The following KCTD6 variants were observed in gnomAD, a reference collection of about 807,000 sequenced individuals.
The protein encoded by KCTD6 is BTB/POZ domain-containing protein KCTD6.
In KCTD6, 6 loss-of-function variants were observed where a neutral mutation model predicts 18.7. The ratio of observed to expected loss-of-function variants is 0.32; its 90% confidence interval spans 0.18 to 0.63. The LOEUF (loss-of-function observed/expected upper bound fraction) is 0.63. KCTD6 is among the 30% of genes least tolerant of loss of function. The pLI is 0.79. For synonymous variants in KCTD6, 86 were observed against 108.5 expected, an observed-to-expected ratio of 0.79 and a Z score of 1.29; for missense variants, 165 against 300.2, an observed-to-expected ratio of 0.55 and a Z score of 3.33.
rs769638748 is a variant in KCTD6, at chr3:58,501,622, C to G, written c.704C>G (p.Thr235Arg). 7.5e-7 allele frequency: 1 copy of G among 1,334,898 alleles called. No homozygotes were observed. The allele number at this position is 1,334,898 out of a possible 1,614,324, so 82.7% of individuals were successfully genotyped here. A position where few individuals can be genotyped will look rare whatever the true frequency, so the allele number is the denominator to read the frequency against. ...ACTTTCTGTAGGCTAGCCCGGAAGA[C>G]AGACGACTGATCTCCGACCCTGCCA... ...NWTFCRLARK[T>R]DD The change falls in exon 3 of 3, where the codon ACA becomes AGA. Residue 235 changes from threonine to arginine, a missense_variant. Physicochemically the swap from Thr to Arg is moderately conservative, Grantham distance 71. Transcript: ENST00000404589. This position sits in a 1 kb window ranked among gnomAD's most constrained non-coding sequence, Gnocchi z 9.7.
chr3:58,492,418 C>A lies in KCTD6; in HGVS notation c.-44+249C>A, dbSNP rs573255861. On this transcript the variant is annotated intron_variant, in intron 1 of 2. Coordinates refer to ENST00000404589, the MANE Select transcript of KCTD6 (RefSeq NM_001128214.2). The surrounding 1 kb of genome is among the most constrained non-coding windows in gnomAD (Gnocchi z 6.1). Reference sequence around the variant, plus strand: ...CCCGCCCGGCGGGGATGCGCGGTTTCTGCGGGCCCGGGTTCGGAGCCCCGC... The same window carrying A: ...CCCGCCCGGCGGGGATGCGCGGTTTATGCGGGCCCGGGTTCGGAGCCCCGC... Among the ~76,000 whole-genome samples, 6 of 151,314 alleles carry A rather than the reference C, an allele frequency of 4.0e-5. No homozygotes were observed. In the East Asian group the frequency reaches 1.2e-3, roughly 30 times the overall value.
Position 58,501,052 on chromosome 3 carries a change from A to T in KCTD6, c.134A>T (p.Asp45Val). 6.2e-7 allele frequency: 1 copy of T among 1,613,434 alleles called. No homozygotes were observed. The highest frequency in any genetic ancestry group is 8.5e-7 in the Non-Finnish European group (1 of 1,179,754). Residue 45 changes from aspartate to valine, a missense_variant, in exon 3 of 3, where the codon GAC becomes GTC. By Grantham distance (152) the Asp-to-Val change is radical (BLOSUM62 -3). Transcript: ENST00000404589. The surrounding 1 kb of genome is among the most constrained non-coding windows in gnomAD (Gnocchi z 9.7). ...ATGCTTGGAGCTATGTTTGGGGGGG[A>T]CTTCCCCACAGCTCGAGACCCTCAA... The part of the protein sequence containing the change: ...DSMLGAMFGG[D>V]FPTARDPQGN...
intron 2 of KCTD6, among the ~76,000 whole-genome samples, chr3:58,500,001 G>A (rs2063197697): frequency 6.6e-6 from 1 of 152,156 alleles, no homozygotes. Context: ...GGTATGTGAT[G>A]CTTTTCTGGC....
rs1463903773 is a variant in KCTD6, at chr3:58,501,150, A to C, written c.232A>C (p.Thr78Pro). The C allele has an allele frequency of 6.2e-7, 1 of 1,613,920 alleles. No homozygotes were observed. Among genetic ancestry groups the C allele is most frequent in the Non-Finnish European group, 8.5e-7 (1 of 1,179,992 alleles). Residue 78 changes from threonine to proline, a missense_variant, in exon 3 of 3, where the codon ACC (threonine) becomes CCC (proline). By Grantham distance (38) the Thr-to-Pro change is conservative (BLOSUM62 -1). Coordinates refer to ENST00000404589, the MANE Select transcript of KCTD6 (RefSeq NM_001128214.2). The surrounding 1 kb of genome is among the most constrained non-coding windows in gnomAD (Gnocchi z 9.7). Reference sequence around the variant, plus strand: ...CAACTTCTTAAGAACTTCAGAATTGACCTTACCGTTGGATTTTAAGGAATT... The same window carrying C: ...CAACTTCTTAAGAACTTCAGAATTGCCCTTACCGTTGGATTTTAAGGAATT... Reference protein sequence around the residue: ...VLNFLRTSELTLPLDFKEFDL... With the variant: ...VLNFLRTSELPLPLDFKEFDL...
At chr3:58,495,468 C>T (rs12715531) in intron 1 of KCTD6, among the ~76,000 whole-genome samples, 17,658 of 151,800 alleles carry the variant, frequency 0.12, 1,087 homozygotes, top group East Asian at 0.22. Context: ...ATTCAGAAGC[C>T]GATCATTATC....
In KCTD6 at chr3:58,498,591, C is replaced by T; in HGVS notation, c.-43-122C>T. On this transcript the variant is annotated intron_variant, in intron 1 of 2. Coordinates refer to ENST00000404589, the MANE Select transcript of KCTD6 (RefSeq NM_001128214.2). This position sits in a 1 kb window ranked among gnomAD's most constrained non-coding sequence, Gnocchi z 4.6. ...CAGATCTTTGCCCTGTAGTAGGTTT[C>T]AGCTGAGCAAGGACGAGTAGTTTTT... 1 of 663,164 alleles carries T rather than the reference C, an allele frequency of 1.5e-6. No individual in the cohort carries two copies. The allele number at this position is 663,164 out of a possible 1,614,324, so 41.1% of individuals were successfully genotyped here. A position where few individuals can be genotyped will look rare whatever the true frequency, so the allele number is the denominator to read the frequency against.
rs1231129714 is a variant in KCTD6, at chr3:58,492,796, T to G, written c.-44+627T>G. Among the ~76,000 whole-genome samples the G allele has an allele frequency of 6.6e-6, 1 of 152,118 alleles. No individual in the cohort carries two copies. Among genetic ancestry groups the G allele is most frequent in the Non-Finnish European group, 1.5e-5 (1 of 68,030 alleles). ...AATGGGGAGCCCTGGCAGCACCTGCTGGGCTGACAGTGGTGGAGGCTGTGT... is the reference window on the plus strand; with the variant it reads ...AATGGGGAGCCCTGGCAGCACCTGCGGGGCTGACAGTGGTGGAGGCTGTGT... On this transcript the variant is annotated intron_variant, in intron 1 of 2. Coordinates refer to ENST00000404589, the MANE Select transcript of KCTD6 (RefSeq NM_001128214.2). This position sits in a 1 kb window ranked among gnomAD's most constrained non-coding sequence, Gnocchi z 6.1.
rs114784334 is a variant in KCTD6, at chr3:58,497,987, T to C, written c.-43-726T>C. 2,411 of 149,030 alleles carry C rather than the reference T, an allele frequency of 0.016. 41 individuals are homozygous for C. The highest frequency in any genetic ancestry group is 0.023 in the Non-Finnish European group (1,574 of 67,130). 9.2% of individuals were successfully genotyped at this position (149,030 alleles called of 1,614,324 possible). ...CTCCCTTTTTCTTTTCTTTTCTTTTTTTTTTTTTTTTTGAGATGGAGTCTC... is the reference window on the plus strand; with the variant it reads ...CTCCCTTTTTCTTTTCTTTTCTTTTCTTTTTTTTTTTTGAGATGGAGTCTC... On this transcript the variant is annotated intron_variant, in intron 1 of 2. Coordinates refer to ENST00000404589, the MANE Select transcript of KCTD6 (RefSeq NM_001128214.2). This position sits in a 1 kb window ranked among gnomAD's most constrained non-coding sequence, Gnocchi z 4.2.
At position 58,501,119 on chromosome 3, in the gene KCTD6, T is replaced by C. The variant is rs1405159699; in HGVS notation, c.201T>C (p.Tyr67=). The C allele has an allele frequency of 3.1e-6, 5 of 1,614,210 alleles. No homozygotes were observed. The highest frequency in any genetic ancestry group is 4.2e-6 in the Non-Finnish European group (5 of 1,180,030). ...FIDRDGPLFR[Y]VLNFLRTSEL... is the part of the protein sequence containing the mutation. The stretch of plus-strand genomic sequence containing the variant: ...ATCGAGATGGACCTCTTTTCCGATA[T>C]GTCCTCAACTTCTTAAGAACTTCAG... The change falls in exon 3 of 3, where the codon TAT becomes TAC. Residue 67 remains tyrosine (Y), a synonymous_variant. Coordinates refer to ENST00000404589, the MANE Select transcript of KCTD6 (RefSeq NM_001128214.2). This position sits in a 1 kb window ranked among gnomAD's most constrained non-coding sequence, Gnocchi z 9.7.
Position 58,492,303 on chromosome 3 carries a change from C to G in KCTD6, c.-44+134C>G, listed in dbSNP as rs1410808333. On this transcript the variant is annotated intron_variant, in intron 1 of 2. Transcript: ENST00000404589. This position sits in a 1 kb window ranked among gnomAD's most constrained non-coding sequence, Gnocchi z 6.1. ...GGGGGCTCCTGGAACGGGGCGGCGGCGGGGCCGCGTTGAGGGGACCGCGCG... is the reference window on the plus strand; with the variant it reads ...GGGGGCTCCTGGAACGGGGCGGCGGGGGGGCCGCGTTGAGGGGACCGCGCG... 1 of 149,330 alleles carries G rather than the reference C, an allele frequency of 6.7e-6. No homozygotes were observed. Among genetic ancestry groups the G allele is most frequent in the Non-Finnish European group, 1.5e-5 (1 of 67,012 alleles). The allele number at this position is 149,330 out of a possible 1,614,324, so 9.3% of individuals were successfully genotyped here.
chr3:58,497,344 G>C lies in KCTD6; in HGVS notation c.-43-1369G>C, dbSNP rs770638391. The stretch of plus-strand genomic sequence containing the variant: ...TTGTGATCTTCTGTAGCTAGGGCTT[G>C]TTCTGGGAATTCTGTGCCAGATTCC... On this transcript the variant is annotated intron_variant, in intron 1 of 2. Transcript: ENST00000404589. This position sits in a 1 kb window ranked among gnomAD's most constrained non-coding sequence, Gnocchi z 4.2. Among the ~76,000 whole-genome samples, 1 of 152,250 alleles carries C rather than the reference G, an allele frequency of 6.6e-6. No homozygotes were observed. The highest frequency in any genetic ancestry group is 1.5e-5 in the Non-Finnish European group (1 of 68,046).
Position 58,501,278 on chromosome 3 carries a change from T to G in KCTD6, c.360T>G (p.Val120=). 1 of 1,614,148 alleles carries G rather than the reference T, an allele frequency of 6.2e-7. No homozygotes were observed. Among genetic ancestry groups the G allele is most frequent in the Non-Finnish European group, 8.5e-7 (1 of 1,180,026 alleles). Residue 120 remains valine, a synonymous_variant, in exon 3 of 3, where the codon GTT becomes GTG. Coordinates refer to ENST00000404589, the MANE Select transcript of KCTD6 (RefSeq NM_001128214.2). This position sits in a 1 kb window ranked among gnomAD's most constrained non-coding sequence, Gnocchi z 9.7. ...PLYPMDTFEE[V]VELSSTRKLS... ...ATCCCATGGATACTTTTGAAGAAGT[T>G]GTGGAGCTGTCTAGTACTCGGAAGC...
At chr3:58,500,874 C>T in intron 2 of KCTD6, 72 bp from the exon 3 acceptor site, 1 of 969,896 alleles carries the variant, frequency 1.0e-6, no homozygotes, top group Non-Finnish European at 1.6e-6. Context: ...CTCAGTATCA[C>T]TTACTTTCTT....
In KCTD6 at chr3:58,496,624, T is replaced by C. The variant is rs2079552228; in HGVS notation, c.-43-2089T>C. Among the ~76,000 whole-genome samples, 1 of 152,216 alleles carries C rather than the reference T, an allele frequency of 6.6e-6. No individual in the cohort carries two copies. On this transcript the variant is annotated intron_variant, in intron 1 of 2. Coordinates refer to ENST00000404589, the MANE Select transcript of KCTD6 (RefSeq NM_001128214.2). This position sits in a 1 kb window ranked among gnomAD's most constrained non-coding sequence, Gnocchi z 5.1. Reference sequence around the variant, plus strand: ...TTCCCAGAAGTCCTCTATTTCCCATTTGAAATCTTGCTTTTCCCCTCTCAC... The same window carrying C: ...TTCCCAGAAGTCCTCTATTTCCCATCTGAAATCTTGCTTTTCCCCTCTCAC...
chr3:58,495,509 CT>C (rs11352751), intron 1 of KCTD6, among the ~76,000 whole-genome samples: 93,896 of 149,672 alleles, frequency 0.63, 29,239 homozygotes, highest in East Asian at 0.73. Context: ...ATTTTTCATG[CT>C]TTTTTTTTGT....
At position 58,498,925 on chromosome 3, in the gene KCTD6, A is replaced by G; in HGVS notation, c.27+143A>G. On this transcript the variant is annotated intron_variant, in intron 2 of 2. Transcript: ENST00000404589. This position sits in a 1 kb window ranked among gnomAD's most constrained non-coding sequence, Gnocchi z 4.6. ...CTCTCTTCCCCCTTTTACTTAGTTT[A>G]GATGTATTTTGGAGGCGTTTTTGTC... 1 of 673,710 alleles carries G rather than the reference A, an allele frequency of 1.5e-6. No homozygotes were observed. Among genetic ancestry groups the G allele is most frequent in the Non-Finnish European group, 2.5e-6 (1 of 401,292 alleles). 41.7% of individuals were successfully genotyped at this position (673,710 alleles called of 1,614,324 possible).
rs762748614 is a variant in KCTD6 at position 58,501,634 on chromosome 3, C to T, written c.*2C>T. 7 of 1,320,290 alleles carry T rather than the reference C, an allele frequency of 5.3e-6. No homozygotes were observed. The highest frequency in any genetic ancestry group is 6.1e-5 in the Admixed American group (2 of 32,894). The allele number at this position is 1,320,290 out of a possible 1,614,324, so 81.8% of individuals were successfully genotyped here. A position where few individuals can be genotyped will look rare whatever the true frequency, so the allele number is the denominator to read the frequency against. ...CTAGCCCGGAAGACAGACGACTGATCTCCGACCCTGCCACAGGTTCCTGGA... is the reference window on the plus strand; with the variant it reads ...CTAGCCCGGAAGACAGACGACTGATTTCCGACCCTGCCACAGGTTCCTGGA... On this transcript the variant is annotated 3_prime_UTR_variant, in exon 3 of 3. Transcript: ENST00000404589. This position sits in a 1 kb window ranked among gnomAD's most constrained non-coding sequence, Gnocchi z 9.7.
chr3:58,492,704 G>A lies in KCTD6; in HGVS notation c.-44+535G>A, dbSNP rs1050889491. Among the ~76,000 whole-genome samples the A allele has an allele frequency of 6.6e-6, 1 of 152,164 alleles. No homozygotes were observed. Among genetic ancestry groups the A allele is most frequent in the African/African-American group, 2.4e-5 (1 of 41,444 alleles). On this transcript the variant is annotated intron_variant, in intron 1 of 2. Coordinates refer to ENST00000404589, the MANE Select transcript of KCTD6 (RefSeq NM_001128214.2). The surrounding 1 kb of genome is among the most constrained non-coding windows in gnomAD (Gnocchi z 6.1). The stretch of plus-strand genomic sequence containing the variant: ...CTCAGATCGCAGCTGAGTTCTTTAT[G>A]CCTAGATTTGTGTGTGTGTGGTGGC...
In KCTD6 at chr3:58,501,012, C is replaced by T. The variant is rs774870696; in HGVS notation, c.94C>T (p.Arg32Cys). The T allele has an allele frequency of 1.9e-6, 3 of 1,613,484 alleles. No individual in the cohort carries two copies. Among genetic ancestry groups the T allele is most frequent in the Non-Finnish European group, 2.5e-6 (3 of 1,179,728 alleles). The stretch of plus-strand genomic sequence containing the variant: ...TACAACGTCTCTCACCACATTGACG[C>T]GTTACCCGGATTCCATGCTTGGAGC... The part of the protein sequence containing the change: ...LYTTSLTTLT[R>C]YPDSMLGAMF... The change falls in exon 3 of 3, where the codon CGT (arginine) becomes TGT (cysteine). Residue 32 changes from arginine (R) to cysteine (C), a missense_variant. By Grantham distance (180) the Arg-to-Cys change is radical (BLOSUM62 -3). Around this residue, in one of 2 missense-constraint regions of KCTD6, gnomAD observed 59 missense variants for 69.9 expected, o/e 0.84. Coordinates refer to ENST00000404589, the MANE Select transcript of KCTD6 (RefSeq NM_001128214.2). This position sits in a 1 kb window ranked among gnomAD's most constrained non-coding sequence, Gnocchi z 9.7.
Sources: gnomAD v4.1 joint callset for allele counts (sites outside exome capture counted in the v4.1 genomes callset) on GRCh38, gnomAD v4.1.1 for gene constraint, gnomAD v4.1.1 regional missense constraint, Gnocchi (gnomAD v3.1) non-coding constraint, MANE v1.5 for transcripts, NCBI Gene and HGNC (gene_info 2026-07-23, HGNC 2026-07-21) for gene names.